Variants in ZNF471 observed in about 807,000 individuals in gnomAD.
ZNF471 encodes the protein zinc finger protein 471.
A neutral mutation model predicts 13.7 loss-of-function variants in ZNF471; 7 were observed. That is an observed-to-expected ratio of 0.51 (90% confidence interval 0.29 to 0.96). ZNF471 has a LOEUF of 0.96. Among genes scored for constraint, ZNF471 ranks in the 40% least tolerant of loss-of-function variants. The pLI is 0.08. For synonymous variants in ZNF471, 218 were observed against 235.6 expected, an observed-to-expected ratio of 0.93 and a Z score of 0.68; for missense variants, 663 against 743.3, an observed-to-expected ratio of 0.89 and a Z score of 1.26.
Position 56,525,204 on chromosome 19 carries a change from T to C in ZNF471, c.1137T>C (p.Asp379=). Residue 379 remains aspartate, a synonymous_variant, in exon 5 of 5, where the codon GAT becomes GAC. Transcript: ENST00000308031. The part of the protein sequence containing the change: ...HTGEKPFNCI[D]CGKAFSVHIG... ...GAGAGAAGCCTTTTAATTGCATTGA[T>C]TGTGGGAAAGCCTTCAGTGTTCACA... 1 of 1,613,534 alleles carries C rather than the reference T, an allele frequency of 6.2e-7. No individual in the cohort carries two copies. Among genetic ancestry groups the C allele is most frequent in the Non-Finnish European group, 8.5e-7 (1 of 1,179,836 alleles).
rs2043802048 is a variant in ZNF471 at position 56,510,993 on chromosome 19, G to GC, written c.-55-522dup. ...TTCAGGGTGAGGAAAGTGAAACAGT[G>GC]CCGGGGGGTGGGTCAGGGATGCAGT... On this transcript the variant is annotated intron_variant, in intron 1 of 4. Transcript: ENST00000308031. The surrounding 1 kb of genome is among the most constrained non-coding windows in gnomAD (Gnocchi z 4.3). 17 of 983,036 alleles carry GC rather than the reference G, an allele frequency of 1.7e-5. No individual in the cohort carries two copies. Among genetic ancestry groups the GC allele is most frequent in the Non-Finnish European group, 1.9e-5 (16 of 830,048 alleles). The allele number at this position is 983,036 out of a possible 1,614,324, so 60.9% of individuals were successfully genotyped here.
At chr19:56,509,855 G>A in intron 1 of ZNF471, 1 of 985,272 alleles carries the variant, frequency 1.0e-6, no homozygotes, top group Non-Finnish European at 1.2e-6. Context: ...TGTTATCAGG[G>A]ACTGGATTGT....
Position 56,510,437 on chromosome 19 carries a change from T to C in ZNF471, c.-55-1080T>C, listed in dbSNP as rs547721480. On this transcript the variant is annotated intron_variant, in intron 1 of 4. Coordinates refer to ENST00000308031, the MANE Select transcript of ZNF471 (RefSeq NM_020813.4). The surrounding 1 kb of genome is among the most constrained non-coding windows in gnomAD (Gnocchi z 4.3). ...CTTTACAAATATAACCTCTGTGAGG[T>C]TGTGAAGCATGCATGTGTGAGTGAG... 29 of 985,518 alleles carry C rather than the reference T, an allele frequency of 2.9e-5. No individual in the cohort carries two copies. In the East Asian group the frequency reaches 5.7e-4, roughly 19 times the overall value. The allele number at this position is 985,518 out of a possible 1,614,324, so 61.0% of individuals were successfully genotyped here.
chr19:56,525,071 G>A lies in ZNF471; in HGVS notation c.1004G>A (p.Arg335Gln), dbSNP rs769234674. 2.6e-5 allele frequency: 42 copies of A among 1,613,236 alleles called. No individual in the cohort carries two copies. The Middle Eastern group carries it at 4.9e-4, about 19-fold the overall frequency. ...KAFSDGSSFARHQRCHTGKRP... is the reference protein window; with the variant it reads ...KAFSDGSSFAQHQRCHTGKRP... ...TTCAGTGATGGCTCGTCTTTTGCTCGACATCAGAGATGTCACACTGGCAAA... is the reference window on the plus strand; with the variant it reads ...TTCAGTGATGGCTCGTCTTTTGCTCAACATCAGAGATGTCACACTGGCAAA... The change falls in exon 5 of 5, where the codon CGA (arginine) becomes CAA (glutamine). Residue 335 changes from arginine to glutamine, a missense_variant. Physicochemically the swap from Arg to Gln is conservative, Grantham distance 43. Transcript: ENST00000308031.
intron 3 of ZNF471, 84 bp from the exon 4 acceptor site, chr19:56,518,398 A>G (rs1188581482): frequency 4.0e-6 from 4 of 991,344 alleles, no homozygotes; most frequent in African/African-American, 3.2e-5. Context: ...CTACTATATC[A>G]TTCCACCAGA....
In ZNF471 at chr19:56,526,542, C is replaced by A. The variant is rs2044051308; in HGVS notation, c.*594C>A. 1 of 152,362 alleles carries A rather than the reference C, an allele frequency of 6.6e-6. No individual in the cohort carries two copies. Among genetic ancestry groups the A allele is most frequent in the South Asian group, 2.1e-4 (1 of 4,822 alleles). 9.4% of individuals were successfully genotyped at this position (152,362 alleles called of 1,614,324 possible). ...ACCGCTTACTCCCTTGTTAAGGGGG[C>A]TGAAGCCGGGGAGCCAAGTGGTTCC... is the stretch of plus-strand genomic sequence containing the variant. On this transcript the variant is annotated 3_prime_UTR_variant, in exon 5 of 5. Coordinates refer to ENST00000308031, the MANE Select transcript of ZNF471 (RefSeq NM_020813.4).
intron 4 of ZNF471, among the ~76,000 whole-genome samples, chr19:56,521,054 C>G (rs1178246590): frequency 6.6e-6 from 1 of 152,138 alleles, no homozygotes; most frequent in African/African-American, 2.4e-5. Context: ...GGGGGACTCC[C>G]ATTTACAAAA....
rs769700806 is a variant in ZNF471, at chr19:56,525,771, G to T, written c.1704G>T (p.Glu568Asp). The stretch of plus-strand genomic sequence containing the variant: ...AACATCAAAGAATTCATACTGGAGA[G>T]AAACCCTATAAATGTACTGAATGTG... ...LTQHQRIHTGEKPYKCTECGK... is the reference protein window; with the variant it reads ...LTQHQRIHTGDKPYKCTECGK... The change falls in exon 5 of 5, where the codon GAG becomes GAT. Residue 568 changes from glutamate (E) to aspartate (D), a missense_variant. Coordinates refer to ENST00000308031, the MANE Select transcript of ZNF471 (RefSeq NM_020813.4). 6.2e-7 allele frequency: 1 copy of T among 1,614,072 alleles called. No homozygotes were observed. Among genetic ancestry groups the T allele is most frequent in the East Asian group, 2.2e-5 (1 of 44,872 alleles).
chr19:56,524,841 A>C lies in ZNF471; in HGVS notation c.774A>C (p.Gly258=). The part of the protein sequence containing the change: ...HLAQHHRTHT[G]EKLFECKECR... ...CTCAACATCACAGAACACATACTGG[A>C]GAGAAACTCTTTGAATGTAAAGAAT... Residue 258 remains glycine (G), a synonymous_variant, in exon 5 of 5, where the codon GGA becomes GGC. Transcript: ENST00000308031. This position sits in a 1 kb window ranked among gnomAD's most constrained non-coding sequence, Gnocchi z 4.8. 1 of 1,611,824 alleles carries C rather than the reference A, an allele frequency of 6.2e-7. No individual in the cohort carries two copies. The highest frequency in any genetic ancestry group is 1.3e-5 in the African/African-American group (1 of 74,884).
Position 56,508,921 on chromosome 19 carries a change from A to G in ZNF471, c.-56+1001A>G, listed in dbSNP as rs1277515597. Among the ~76,000 whole-genome samples, 1 of 152,086 alleles carries G rather than the reference A, an allele frequency of 6.6e-6. No homozygotes were observed. Among genetic ancestry groups the G allele is most frequent in the African/African-American group, 2.4e-5 (1 of 41,394 alleles). ...GTGTGTGTATGAGAGAGAGAAAGAGACTAAACTGTGAGAGTCCAAAGAGTG... is the reference window on the plus strand; with the variant it reads ...GTGTGTGTATGAGAGAGAGAAAGAGGCTAAACTGTGAGAGTCCAAAGAGTG... On this transcript the variant is annotated intron_variant, in intron 1 of 4. Transcript: ENST00000308031. The surrounding 1 kb of genome is among the most constrained non-coding windows in gnomAD (Gnocchi z 4.7).
rs774844305 is a variant in ZNF471, at chr19:56,516,350, CG to C, written c.110del (p.Arg37LeufsTer6). ...GCAATGGATGAACCCTGCTCAGAAG[CG>C]TTTATACAGGAGTATGATGTTGGAG... ...EWQWMNPAQKRLYRSMMLENY... is the reference protein window; with the variant it reads ...EWQWMNPAQKXLYRSMMLENY... On this transcript the variant is annotated frameshift_variant, in exon 3 of 5. Transcript: ENST00000308031. LOFTEE classifies it high-confidence loss of function. The surrounding 1 kb of genome is among the most constrained non-coding windows in gnomAD (Gnocchi z 4.4). The C allele has an allele frequency of 6.2e-7, 1 of 1,613,712 alleles. No individual in the cohort carries two copies. The highest frequency in any genetic ancestry group is 2.2e-5 in the East Asian group (1 of 44,850).
chr19:56,515,747 C>CT (rs1260252996), intron 2 of ZNF471, among the ~76,000 whole-genome samples: 13 of 152,180 alleles, frequency 8.5e-5, no homozygotes, highest in African/African-American at 3.1e-4. Flanking sequence ...TAATTTTTCT[C>CT]TAAGAATATT....
chr19:56,513,662 A>G (rs1038269591), intron 2 of ZNF471, among the ~76,000 whole-genome samples: 9 of 152,040 alleles, frequency 5.9e-5, no homozygotes, highest in Admixed American at 1.3e-4. Context: ...TATTATCATA[A>G]TATTTTGGTA....
At position 56,510,690 on chromosome 19, in the gene ZNF471, G is replaced by C; in HGVS notation, c.-55-827G>C. On this transcript the variant is annotated intron_variant, in intron 1 of 4. Transcript: ENST00000308031. This position sits in a 1 kb window ranked among gnomAD's most constrained non-coding sequence, Gnocchi z 4.3. ...CCTGTATACCCATAATTGTGGCCCT[G>C]TATGACTGCTGTGTATGGAGAGACT... 1.0e-6 allele frequency: 1 copy of C among 985,548 alleles called. No homozygotes were observed. The highest frequency in any genetic ancestry group is 4.7e-5 in the South Asian group (1 of 21,290). The allele number at this position is 985,548 out of a possible 1,614,324, so 61.1% of individuals were successfully genotyped here.
rs1187904732 is a variant in ZNF471, at chr19:56,508,999, A to G, written c.-56+1079A>G. On this transcript the variant is annotated intron_variant, in intron 1 of 4. Coordinates refer to ENST00000308031, the MANE Select transcript of ZNF471 (RefSeq NM_020813.4). This position sits in a 1 kb window ranked among gnomAD's most constrained non-coding sequence, Gnocchi z 4.7. ...TGAGAGAGAGGGAGGCGATCAAAGTATAGGACAAAGTTATGTTTCCTGGCT... is the reference window on the plus strand; with the variant it reads ...TGAGAGAGAGGGAGGCGATCAAAGTGTAGGACAAAGTTATGTTTCCTGGCT... Among the ~76,000 whole-genome samples the G allele has an allele frequency of 6.6e-6, 1 of 152,254 alleles. No individual in the cohort carries two copies. Among genetic ancestry groups the G allele is most frequent in the Non-Finnish European group, 1.5e-5 (1 of 68,042 alleles).
In ZNF471 at chr19:56,508,015, C is replaced by T; in HGVS notation, c.-56+95C>T. 2.0e-6 allele frequency: 2 copies of T among 985,872 alleles called. No individual in the cohort carries two copies. Among genetic ancestry groups the T allele is most frequent in the Non-Finnish European group, 2.4e-6 (2 of 830,272 alleles). The allele number at this position is 985,872 out of a possible 1,614,324, so 61.1% of individuals were successfully genotyped here. ...TCCGACGCGGGTCGCGAAGGCCCAG[C>T]CGCGTCCTCTGTCCCCAGGACGACT... is the stretch of plus-strand genomic sequence containing the variant. On this transcript the variant is annotated intron_variant, in intron 1 of 4. Coordinates refer to ENST00000308031, the MANE Select transcript of ZNF471 (RefSeq NM_020813.4). The surrounding 1 kb of genome is among the most constrained non-coding windows in gnomAD (Gnocchi z 4.7).
rs992605650 is a variant in ZNF471, at chr19:56,528,735, G to T, written c.*2787G>T. ...ATAGCTCTGGATAAAACGAACAAAA[G>T]AATTAGAATTCCTGCGGGGAATATA... On this transcript the variant is annotated 3_prime_UTR_variant, in exon 5 of 5. Transcript: ENST00000308031. The T allele has an allele frequency of 6.6e-6, 1 of 152,004 alleles. No homozygotes were observed. The highest frequency in any genetic ancestry group is 2.4e-5 in the African/African-American group (1 of 41,392). The allele number at this position is 152,004 out of a possible 1,614,324, so 9.4% of individuals were successfully genotyped here.
chr19:56,526,509 G>GA lies in ZNF471; in HGVS notation c.*564dup, dbSNP rs1216039576. On this transcript the variant is annotated 3_prime_UTR_variant, in exon 5 of 5. Transcript: ENST00000308031. ...GCCCAGTGGCACCTGGAATGCCAGT[G>GA]AAACAGAACCGCTTACTCCCTTGTT... The GA allele has an allele frequency of 1.3e-5, 2 of 152,686 alleles. No homozygotes were observed. The highest frequency in any genetic ancestry group is 1.3e-4 in the Admixed American group (2 of 15,328). 9.5% of individuals were successfully genotyped at this position (152,686 alleles called of 1,614,324 possible).
In ZNF471 at chr19:56,516,476, A is replaced by AT; in HGVS notation, c.160+77dup. The AT allele has an allele frequency of 7.2e-7, 1 of 1,393,790 alleles. No homozygotes were observed. Among genetic ancestry groups the AT allele is most frequent in the Non-Finnish European group, 9.7e-7 (1 of 1,028,936 alleles). 86.3% of individuals were successfully genotyped at this position (1,393,790 alleles called of 1,614,324 possible). Reference sequence around the variant, plus strand: ...TCTATATATTATTAAATTTGCTTTTATTATATGTAGGTCAGAATGGAATTT... The same window carrying AT: ...TCTATATATTATTAAATTTGCTTTTATTTATATGTAGGTCAGAATGGAATTT... On this transcript the variant is annotated intron_variant, in intron 3 of 4. Transcript: ENST00000308031. This position sits in a 1 kb window ranked among gnomAD's most constrained non-coding sequence, Gnocchi z 4.4.
Sources: allele counts gnomAD v4.1 joint callset (sites outside exome capture counted in the v4.1 genomes callset), GRCh38; gene constraint gnomAD v4.1.1; non-coding constraint Gnocchi (gnomAD v3.1); transcripts MANE v1.5; gene names NCBI Gene and HGNC (gene_info 2026-07-23, HGNC 2026-07-21).